Variants in CACNA2D3 observed in about 807,000 individuals in gnomAD.
CACNA2D3 encodes voltage-dependent calcium channel subunit alpha-2/delta-3.
In CACNA2D3, 60 loss-of-function variants were observed where a neutral mutation model predicts 160.6. That is an observed-to-expected ratio of 0.37 (90% CI 0.30 to 0.46). CACNA2D3 has a LOEUF of 0.46. Among genes scored for constraint, CACNA2D3 ranks in the 20% least tolerant of loss-of-function variants. The pLI is 1.00. For missense variants in CACNA2D3, 1,205 were observed against 1,365.0 expected (o/e 0.88, Z 1.85); for synonymous variants, 558 against 492.9 (o/e 1.13, Z -1.75).
At chr3:54,226,447 C>T (rs1287117839) in intron 2 of CACNA2D3, among the ~76,000 whole-genome samples, 2 of 151,750 alleles carry the variant, frequency 1.3e-5, no homozygotes, top group Non-Finnish European at 2.9e-5. Context: ...GGACCACAGG[C>T]ATGTGCCACC....
intron 4 of CACNA2D3, among the ~76,000 whole-genome samples, chr3:54,487,821 C>T (rs975334332): frequency 6.6e-6 from 1 of 152,190 alleles, no homozygotes; most frequent in Non-Finnish European, 1.5e-5. Flanking sequence ...AAAATCAGTT[C>T]TTCAGTCACA....
At chr3:54,702,258 T>C (rs1056317245) in intron 11 of CACNA2D3, among the ~76,000 whole-genome samples, 1 of 152,164 alleles carries the variant, frequency 6.6e-6, no homozygotes, top group African/African-American at 2.4e-5. Context: ...CATTGACAAG[T>C]GGGACCTAAC....
chr3:55,035,853 T>G (rs763065826), intron 35 of CACNA2D3, among the ~76,000 whole-genome samples: 3 of 152,214 alleles, frequency 2.0e-5, no homozygotes, highest in Non-Finnish European at 4.4e-5. Flanking sequence ...CTATATGTTA[T>G]GTGAAGTGGT....
At chr3:54,936,361 T>C (rs1003926624) in intron 27 of CACNA2D3, among the ~76,000 whole-genome samples, 7 of 152,158 alleles carry the variant, frequency 4.6e-5, no homozygotes, top group Non-Finnish European at 7.3e-5. Context: ...ATAAAGCCTT[T>C]GTGTGTGTGC....
chr3:54,293,885 C>G (rs1426355426), intron 2 of CACNA2D3, among the ~76,000 whole-genome samples: 1 of 152,098 alleles, frequency 6.6e-6, no homozygotes, highest in Non-Finnish European at 1.5e-5. Context: ...GGTTACACAA[C>G]TCTGCATTTA....
intron 35 of CACNA2D3, among the ~76,000 whole-genome samples, chr3:55,020,244 C>A (rs1487017554): frequency 6.6e-6 from 1 of 150,648 alleles, no homozygotes; most frequent in Non-Finnish European, 1.5e-5. Flanking sequence ...TCTACTCTTG[C>A]ATACTAATTT....
In CACNA2D3 at chr3:54,503,396, G is replaced by C. The variant is rs1701323096; in HGVS notation, c.382-96G>C. ...TTATGTGAGCAGATCAGGGTCCACA[G>C]TGTAAGGGATGGCACATGGCCTGTG... On this transcript the variant is annotated intron_variant, in intron 4 of 37. Transcript: ENST00000474759. 1.0e-5 allele frequency: 11 copies of C among 1,063,420 alleles called. No homozygotes were observed. The Admixed American group carries it at 2.0e-4, about 19-fold the overall frequency. The allele number at this position is 1,063,420 out of a possible 1,614,324, so 65.9% of individuals were successfully genotyped here.
At chr3:54,832,064 C>T (rs1300491857) in intron 14 of CACNA2D3, among the ~76,000 whole-genome samples, 4 of 146,948 alleles carry the variant, frequency 2.7e-5, no homozygotes, top group Non-Finnish European at 6.0e-5. Context: ...CACGTCTCTC[C>T]TCCTCTCTGT....
At chr3:54,990,494 G>A (rs1275209215) in intron 31 of CACNA2D3, among the ~76,000 whole-genome samples, 1 of 152,232 alleles carries the variant, frequency 6.6e-6, no homozygotes, top group South Asian at 2.1e-4. Context: ...TCATGCTACG[G>A]CACTTCAGCC....
At chr3:54,214,316 C>T (rs1464129014) in intron 2 of CACNA2D3, among the ~76,000 whole-genome samples, 1 of 152,158 alleles carries the variant, frequency 6.6e-6, no homozygotes, top group African/African-American at 2.4e-5. Flanking sequence ...GTTACAAGTA[C>T]TTCCACATGC....
intron 11 of CACNA2D3, among the ~76,000 whole-genome samples, chr3:54,741,014 T>C (rs2107041757): frequency 6.6e-6 from 1 of 152,158 alleles, no homozygotes; most frequent in East Asian, 1.9e-4. Context: ...CAAATCCCAA[T>C]GAGAAAATCA....
chr3:54,483,393 C>T (rs1700964742), intron 4 of CACNA2D3, among the ~76,000 whole-genome samples: 1 of 152,110 alleles, frequency 6.6e-6, no homozygotes, highest in African/African-American at 2.4e-5. Flanking sequence ...TGGGAACAGA[C>T]CTTGTTAAGG....
chr3:54,841,252 T>G (rs1194368501), intron 16 of CACNA2D3, among the ~76,000 whole-genome samples: 1 of 152,252 alleles, frequency 6.6e-6, no homozygotes, highest in African/African-American at 2.4e-5. Flanking sequence ...TCATTTTTAC[T>G]TAAGGATGCT....
intron 35 of CACNA2D3, among the ~76,000 whole-genome samples, chr3:55,044,898 T>C (rs1362702695): frequency 1.3e-5 from 2 of 152,210 alleles, no homozygotes; most frequent in African/African-American, 2.4e-5. Flanking sequence ...CTTTAGTCTT[T>C]AGATAATTTT....
chr3:54,894,485 C>T, intron 25 of CACNA2D3: 4 of 447,638 alleles, frequency 8.9e-6, no homozygotes, highest in South Asian at 6.3e-5. Context: ...AAGTGAGGAC[C>T]ACTTCATACC....
intron 11 of CACNA2D3, among the ~76,000 whole-genome samples, chr3:54,726,906 T>TGG (rs1701286913): frequency 6.6e-6 from 1 of 152,046 alleles, no homozygotes; most frequent in Non-Finnish European, 1.5e-5. Flanking sequence ...AAGCCAAAAT[T>TGG]GACAAATGGG....
chr3:54,232,397 C>T (rs1701788884), intron 2 of CACNA2D3, among the ~76,000 whole-genome samples: 2 of 152,132 alleles, frequency 1.3e-5, no homozygotes, highest in Non-Finnish European at 2.9e-5. Context: ...GTTGTCACTG[C>T]TCTCATGTCA....
intron 2 of CACNA2D3, among the ~76,000 whole-genome samples, chr3:54,181,542 G>A (rs576388324): frequency 1.3e-5 from 2 of 152,238 alleles, no homozygotes; most frequent in African/African-American, 4.8e-5. Context: ...GTTAAAATCT[G>A]CCCTAACATA....
intron 13 of CACNA2D3, among the ~76,000 whole-genome samples, chr3:54,769,431 G>A (rs1204631855): frequency 1.3e-5 from 2 of 151,834 alleles, no homozygotes; most frequent in South Asian, 2.1e-4. Flanking sequence ...CATATTTATC[G>A]TCTACCTTAG....
Sources: gnomAD v4.1 joint callset for allele counts (sites outside exome capture counted in the v4.1 genomes callset) on GRCh38, gnomAD v4.1.1 for gene constraint, MANE v1.5 for transcripts, NCBI Gene and HGNC (gene_info 2026-07-23, HGNC 2026-07-21) for gene names.